The following TAOK1 variants were observed in gnomAD, a reference collection of about 807,000 sequenced individuals.
TAOK1 encodes TAO kinase 1, also known as serine/threonine-protein kinase TAO1.
Under a neutral mutation model 138.3 loss-of-function variants are expected in TAOK1, and 21 were observed. The observed-to-expected ratio is 0.15, with a 90% CI of 0.11 to 0.22. The LOEUF (loss-of-function observed/expected upper bound fraction) is 0.22, where lower values mean the gene tolerates loss of function less well. Ranked by LOEUF, TAOK1 falls within the 10% of genes least tolerant of loss-of-function variation. The pLI, the probability that TAOK1 is intolerant of heterozygous loss-of-function variation, is 1.00. For missense variants in TAOK1, 651 were observed against 1,227.7 expected (o/e 0.53, Z 7.02); for synonymous variants, 361 against 398.4 (o/e 0.91, Z 1.12).
chr17:29,416,892 T>A (rs1905276898), intron 1 of TAOK1, among the ~76,000 whole-genome samples: 1 of 152,232 alleles, frequency 6.6e-6, no homozygotes, highest in South Asian at 2.1e-4. Context: ...CAAGTTTTTA[T>A]CATATTTTCC....
At chr17:29,488,274 A>G (rs1158065959) in intron 8 of TAOK1, among the ~76,000 whole-genome samples, 1 of 152,192 alleles carries the variant, frequency 6.6e-6, no homozygotes, top group African/African-American at 2.4e-5. Flanking sequence ...AGCTGTCTTA[A>G]AAATTTGTAT....
chr17:29,475,857 A>C, intron 4 of TAOK1, 86 bp downstream of exon 4: 1 of 964,682 alleles, frequency 1.0e-6, no homozygotes. Context: ...CTGGTTGTGT[A>C]AATGCATGCA....
intron 8 of TAOK1, among the ~76,000 whole-genome samples, chr17:29,485,969 G>T (rs1407655372): frequency 1.3e-5 from 2 of 152,162 alleles, no homozygotes; most frequent in African/African-American, 4.8e-5. Context: ...AAGATAATAA[G>T]AAATAGTATC....
Position 29,546,261 on chromosome 17 carries a change from G to A in TAOK1, c.*3239G>A, listed in dbSNP as rs748993660. The stretch of plus-strand genomic sequence containing the variant: ...GCTTAGTACTCTAGGTCAAGGATTT[G>A]TTGGTAAATGGAACATTTTAGCATA... On this transcript the variant is annotated 3_prime_UTR_variant, in exon 20 of 20. Coordinates refer to ENST00000261716, the MANE Select transcript of TAOK1 (RefSeq NM_020791.4). 20 of 152,046 alleles carry A rather than the reference G, an allele frequency of 1.3e-4. No homozygotes were observed. The highest frequency in any genetic ancestry group is 2.2e-4 in the Non-Finnish European group (15 of 67,950). The allele number at this position is 152,046 out of a possible 1,614,324, so 9.4% of individuals were successfully genotyped here.
intron 1 of TAOK1, among the ~76,000 whole-genome samples, chr17:29,447,633 C>T (rs540270466): frequency 6.6e-6 from 1 of 152,042 alleles, no homozygotes; most frequent in East Asian, 1.9e-4. Context: ...GCTACCTCAC[C>T]CGGCCTTTTT....
intron 3 of TAOK1, among the ~76,000 whole-genome samples, chr17:29,470,902 C>G (rs1230067235): frequency 6.6e-6 from 1 of 152,160 alleles, no homozygotes; most frequent in Admixed American, 6.5e-5. Context: ...GCAGGCGGAT[C>G]ACTTGAGGTC....
chr17:29,540,469 A>T (rs1205268361), intron 19 of TAOK1, among the ~76,000 whole-genome samples: 1 of 152,112 alleles, frequency 6.6e-6, no homozygotes, highest in African/African-American at 2.4e-5. Context: ...AGTTCAAGTG[A>T]TTCTCCTGCC....
At chr17:29,423,372 C>T (rs939821143) in intron 1 of TAOK1, among the ~76,000 whole-genome samples, 3 of 151,606 alleles carry the variant, frequency 2.0e-5, no homozygotes, top group East Asian at 2.0e-4. Context: ...CCCGCCACCA[C>T]GCCCGGCTAA....
In TAOK1 at chr17:29,467,277, ATTCT is replaced by A. The variant is rs905886975; in HGVS notation, c.204+64_204+67del. 5 of 1,111,716 alleles carry A rather than the reference ATTCT, an allele frequency of 4.5e-6. No individual in the cohort carries two copies. In the African/African-American group the frequency reaches 4.8e-5, roughly 11 times the overall value. The allele number at this position is 1,111,716 out of a possible 1,614,324, so 68.9% of individuals were successfully genotyped here. On this transcript the variant is annotated intron_variant, in intron 3 of 19. Coordinates refer to ENST00000261716, the MANE Select transcript of TAOK1 (RefSeq NM_020791.4). ...TATTTATCTCAGAATAAATATATAC[ATTCT>A]TTTTTTTTTTGAGACTGAGTCTCCC...
At chr17:29,462,287 A>G (rs2030549185) in intron 2 of TAOK1, among the ~76,000 whole-genome samples, 1 of 152,220 alleles carries the variant, frequency 6.6e-6, no homozygotes, top group South Asian at 2.1e-4. Context: ...TTGAAACTAA[A>G]CCAGAGTCAG....
intron 1 of TAOK1, among the ~76,000 whole-genome samples, chr17:29,446,387 G>A (rs1252453107): frequency 6.6e-6 from 1 of 151,946 alleles, no homozygotes; most frequent in East Asian, 1.9e-4. Context: ...GACTACAGGT[G>A]TGCACTACCA....
At chr17:29,392,022 C>G (rs979713577) in intron 1 of TAOK1, among the ~76,000 whole-genome samples, 1 of 152,148 alleles carries the variant, frequency 6.6e-6, no homozygotes, top group Non-Finnish European at 1.5e-5. Context: ...CGAGACCATC[C>G]TGGCTAACAC....
chr17:29,543,061 G>A lies in TAOK1; in HGVS notation c.*39G>A, dbSNP rs995367505. ...AGTGGCAATTCCGCTGGAGCTGTCT[G>A]CCAAAAGAAACTGCCTACAGACATC... is the stretch of plus-strand genomic sequence containing the variant. On this transcript the variant is annotated 3_prime_UTR_variant, in exon 20 of 20. Transcript: ENST00000261716. The A allele has an allele frequency of 2.7e-6, 4 of 1,488,700 alleles. No homozygotes were observed. Among genetic ancestry groups the A allele is most frequent in the Admixed American group, 4.3e-5 (2 of 46,528 alleles). The allele number at this position is 1,488,700 out of a possible 1,614,324, so 92.2% of individuals were successfully genotyped here. A position where few individuals can be genotyped will look rare whatever the true frequency, so the allele number is the denominator to read the frequency against.
At chr17:29,474,196 G>A (rs1301035703) in intron 3 of TAOK1, among the ~76,000 whole-genome samples, 3 of 152,148 alleles carry the variant, frequency 2.0e-5, no homozygotes, top group Admixed American at 2.0e-4. Context: ...TTGTTTTACG[G>A]GAATGTTGTC....
intron 3 of TAOK1, among the ~76,000 whole-genome samples, chr17:29,475,055 C>T (rs1186504940): frequency 6.6e-6 from 1 of 152,008 alleles, no homozygotes; most frequent in African/African-American, 2.4e-5. Flanking sequence ...ATTCTCCTGC[C>T]TCAGCCTCCC....
intron 1 of TAOK1, among the ~76,000 whole-genome samples, chr17:29,433,303 C>A (rs1459824400): frequency 6.6e-6 from 1 of 151,526 alleles, no homozygotes; most frequent in Non-Finnish European, 1.5e-5. Flanking sequence ...TGGTGGCGGG[C>A]ATCTGTAATC....
intron 3 of TAOK1, among the ~76,000 whole-genome samples, chr17:29,467,970 T>G (rs517967): frequency 0.64 from 95,975 of 149,250 alleles, 32,728 homozygotes; most frequent in East Asian, 0.97. Context: ...GGGATTACAG[T>G]TGTGCGCCAC....
Position 29,546,995 on chromosome 17 carries a change from A to T in TAOK1, c.*3973A>T, listed in dbSNP as rs1318442101. The T allele has an allele frequency of 2.0e-5, 3 of 152,122 alleles. No individual in the cohort carries two copies. Among genetic ancestry groups the T allele is most frequent in the Non-Finnish European group, 4.4e-5 (3 of 67,988 alleles). 9.4% of individuals were successfully genotyped at this position (152,122 alleles called of 1,614,324 possible). A position where few individuals can be genotyped will look rare whatever the true frequency, so the allele number is the denominator to read the frequency against. On this transcript the variant is annotated 3_prime_UTR_variant, in exon 20 of 20. Transcript: ENST00000261716. ...TGGAATCATAAGTTGCAATGCAGTAAAATGGTGCTGGGGAAGGAGCCAGTT... is the reference window on the plus strand; with the variant it reads ...TGGAATCATAAGTTGCAATGCAGTATAATGGTGCTGGGGAAGGAGCCAGTT...
At chr17:29,542,483 C>A in intron 19 of TAOK1, 78 bp from the exon 20 acceptor site, 2 of 1,312,932 alleles carry the variant, frequency 1.5e-6, no homozygotes, top group Non-Finnish European at 2.1e-6. Flanking sequence ...CACTTCAAAG[C>A]TGAATAATTA....
Sources: gnomAD v4.1 joint callset for allele counts (sites outside exome capture counted in the v4.1 genomes callset) on GRCh38, gnomAD v4.1.1 for gene constraint, MANE v1.5 for transcripts, NCBI Gene and HGNC (gene_info 2026-07-23, HGNC 2026-07-21) for gene names.